Variants in PCDH9 observed in about 807,000 individuals in gnomAD.
The protein encoded by PCDH9 is protocadherin-9.
A neutral mutation model predicts 70.6 loss-of-function variants in PCDH9; 24 were observed. That is an observed-to-expected ratio of 0.34 (90% CI 0.25 to 0.48). The LOEUF (loss-of-function observed/expected upper bound fraction) is 0.48, where lower values mean the gene tolerates loss of function less well. Among genes scored for constraint, PCDH9 ranks in the 20% least tolerant of loss-of-function variants. The probability of loss-of-function intolerance (pLI) is 0.99; values close to 1 mark genes in which losing one functional copy is unlikely to be tolerated. For missense variants in PCDH9, 1,281 were observed against 1,503.6 expected (o/e 0.85, Z 2.45); for synonymous variants, 562 against 558.5 (o/e 1.01, Z -0.09).
Position 66,982,887 on chromosome 13 carries a change from A to G in PCDH9, c.3037-79282T>C, listed in dbSNP as rs193013746. On this transcript the variant is annotated intron_variant, in intron 2 of 4. Transcript: ENST00000377865. ...TTGGTCTTGACTTACATTCAAATTT[A>G]CTCTATGTTCTATGACTTCAAGAGT... 1.1e-4 allele frequency among the ~76,000 whole-genome samples: 16 copies of G among 152,310 alleles called. No homozygotes were observed. In the East Asian group the frequency reaches 3.1e-3, roughly 29 times the overall value.
chr13:66,394,871 A>G (rs1035676361), intron 4 of PCDH9, among the ~76,000 whole-genome samples: 1 of 152,170 alleles, frequency 6.6e-6, no homozygotes, highest in Admixed American at 6.5e-5. Flanking sequence ...CTTGACAACT[A>G]AAAATGAAGA....
intron 2 of PCDH9, among the ~76,000 whole-genome samples, chr13:66,929,939 G>A (rs1284834439): frequency 6.6e-6 from 1 of 152,084 alleles, no homozygotes; most frequent in African/African-American, 2.4e-5. Context: ...AGTCCTAGTG[G>A]CAAAATCAGG....
intron 3 of PCDH9, among the ~76,000 whole-genome samples, chr13:66,877,970 A>T (rs1349783255): frequency 6.6e-6 from 1 of 152,178 alleles, no homozygotes; most frequent in Non-Finnish European, 1.5e-5. Flanking sequence ...TAGAGAAGAC[A>T]AAACTTTTCA....
intron 2 of PCDH9, among the ~76,000 whole-genome samples, chr13:66,936,402 G>T (rs1194135610): frequency 6.6e-6 from 1 of 152,018 alleles, no homozygotes; most frequent in South Asian, 2.1e-4. Flanking sequence ...TCTTTGCAAA[G>T]AACAATTAAG....
chr13:66,588,169 G>C (rs781540299), intron 4 of PCDH9, among the ~76,000 whole-genome samples: 1 of 151,860 alleles, frequency 6.6e-6, no homozygotes, highest in Non-Finnish European at 1.5e-5. Flanking sequence ...TTTTTCTCCT[G>C]CTTGAAACAA....
At chr13:66,579,492 G>A (rs1025658708) in intron 4 of PCDH9, among the ~76,000 whole-genome samples, 1 of 151,968 alleles carries the variant, frequency 6.6e-6, no homozygotes, top group African/African-American at 2.4e-5. Flanking sequence ...ATATTCCAAT[G>A]GTAGAAAAAT....
chr13:66,936,261 G>A (rs1395045748), intron 2 of PCDH9, among the ~76,000 whole-genome samples: 1 of 152,108 alleles, frequency 6.6e-6, no homozygotes, highest in East Asian at 1.9e-4. Flanking sequence ...GCAAGATACA[G>A]CTTAACATCA....
intron 4 of PCDH9, among the ~76,000 whole-genome samples, chr13:66,527,028 G>A (rs1960245845): frequency 6.6e-6 from 1 of 152,086 alleles, no homozygotes; most frequent in Admixed American, 6.6e-5. Context: ...AATATTTTGG[G>A]GATTTCTATA....
intron 3 of PCDH9, among the ~76,000 whole-genome samples, chr13:66,848,411 G>A (rs1326981748): frequency 6.6e-6 from 1 of 152,018 alleles, no homozygotes; most frequent in Non-Finnish European, 1.5e-5. Context: ...CATTTTAATT[G>A]TTTGTTAGAA....
chr13:66,640,045 T>C (rs1434910241), intron 3 of PCDH9, among the ~76,000 whole-genome samples: 1 of 152,062 alleles, frequency 6.6e-6, no homozygotes, highest in Non-Finnish European at 1.5e-5. Flanking sequence ...AAAAAACAAA[T>C]CCAAATGAGA....
intron 3 of PCDH9, among the ~76,000 whole-genome samples, chr13:66,677,967 G>A (rs756042710): frequency 2.0e-5 from 3 of 152,050 alleles, no homozygotes; most frequent in Non-Finnish European, 4.4e-5. Flanking sequence ...GCACATAACT[G>A]CTTGTTATAA....
At chr13:66,634,636 C>T (rs2077614082) in intron 3 of PCDH9, among the ~76,000 whole-genome samples, 1 of 152,070 alleles carries the variant, frequency 6.6e-6, no homozygotes, top group Admixed American at 6.6e-5. Context: ...CAATACATGA[C>T]ACATAGTAGA....
rs186625119 is a variant in PCDH9, at chr13:66,851,410, G to A, written c.3138+52094C>T. The stretch of plus-strand genomic sequence containing the variant: ...TTCTCAAAAAAAAATAACTTAAAAT[G>A]AACAGTGATTTTTAAAAGTAAAATC... On this transcript the variant is annotated intron_variant, in intron 3 of 4. Transcript: ENST00000377865. Among the ~76,000 whole-genome samples, 100 of 152,086 alleles carry A rather than the reference G, an allele frequency of 6.6e-4. 1 individual carries two copies. The highest frequency in any genetic ancestry group is 2.8e-4 in the Non-Finnish European group (19 of 67,982).
intron 4 of PCDH9, among the ~76,000 whole-genome samples, chr13:66,380,261 T>C (rs1223805453): frequency 2.0e-5 from 3 of 152,154 alleles, no homozygotes; most frequent in African/African-American, 7.2e-5. Context: ...AATAAGACAG[T>C]CAAACTAGGT....
intron 4 of PCDH9, among the ~76,000 whole-genome samples, chr13:66,575,508 GCC>G (rs2076802268): frequency 6.6e-6 from 1 of 152,080 alleles, no homozygotes. Flanking sequence ...GGTCCACATG[GCC>G]CTGTAAGATC....
At chr13:66,749,640 GTC>G (rs374720459) in intron 3 of PCDH9, among the ~76,000 whole-genome samples, 9 of 152,090 alleles carry the variant, frequency 5.9e-5, no homozygotes, top group African/African-American at 2.2e-4. Context: ...TTTAGAAAAA[GTC>G]TCTAACATAT....
At chr13:66,999,289 T>C (rs1037464396) in intron 2 of PCDH9, among the ~76,000 whole-genome samples, 2 of 152,062 alleles carry the variant, frequency 1.3e-5, no homozygotes, top group Non-Finnish European at 2.9e-5. Flanking sequence ...CAGCAAATAG[T>C]AGAAATATTG....
chr13:67,126,225 C>G (rs2086977040), intron 2 of PCDH9, among the ~76,000 whole-genome samples: 1 of 152,146 alleles, frequency 6.6e-6, no homozygotes, highest in African/African-American at 2.4e-5. Context: ...CTATCTTAAT[C>G]AACCCATAGC....
chr13:67,223,970 G>C (rs1474398730), intron 2 of PCDH9: 1 of 152,076 alleles, frequency 6.6e-6, no homozygotes, highest in East Asian at 1.9e-4. Flanking sequence ...TTACCATGAA[G>C]CCTTAAGTCC....
Sources: gnomAD v4.1 joint callset for allele counts (sites outside exome capture counted in the v4.1 genomes callset) on GRCh38, gnomAD v4.1.1 for gene constraint, MANE v1.5 for transcripts, NCBI Gene and HGNC (gene_info 2026-07-23, HGNC 2026-07-21) for gene names.